ZBTB40: variants seen among roughly 807,000 people sequenced by gnomAD.
ZBTB40 encodes zinc finger and BTB domain-containing protein 40.
A neutral mutation model predicts 117.5 loss-of-function variants in ZBTB40; 60 were observed. That is an observed-to-expected ratio of 0.51 (90% CI 0.41 to 0.63). The LOEUF (loss-of-function observed/expected upper bound fraction) is 0.63, where lower values mean the gene tolerates loss of function less well. Among genes scored for constraint, ZBTB40 ranks in the 30% least tolerant of loss-of-function variants. ZBTB40 has a pLI of 0.00. For synonymous variants in ZBTB40, 525 were observed against 577.1 expected, an observed-to-expected ratio of 0.91 and a Z score of 1.29; for missense variants, 1,287 against 1,498.5, an observed-to-expected ratio of 0.86 and a Z score of 2.33.
In ZBTB40 at chr1:22,456,145, C is replaced by T. The variant is rs376190144; in HGVS notation, c.-70+4141C>T. ...AATGTGGAGAAAGCAAGCTACTAAC[C>T]ACATAGAGGAAAGAATTAAATATTA... On this transcript the variant is annotated intron_variant, in intron 1 of 17. Coordinates refer to ENST00000375647, the MANE Select transcript of ZBTB40 (RefSeq NM_014870.4). Among the ~76,000 whole-genome samples, 8 of 152,134 alleles carry T rather than the reference C, an allele frequency of 5.3e-5. No homozygotes were observed. The East Asian group carries it at 1.2e-3, about 22-fold the overall frequency.
chr1:22,495,486 G>C (rs72651310), intron 3 of ZBTB40, among the ~76,000 whole-genome samples: 2,396 of 152,014 alleles, frequency 0.016, 31 homozygotes, highest in Non-Finnish European at 0.023. Context: ...TTCAGTTTTT[G>C]TGCTAGGTTT....
intron 15 of ZBTB40, among the ~76,000 whole-genome samples, chr1:22,522,172 C>T (rs1639544001): frequency 6.6e-6 from 1 of 152,268 alleles, no homozygotes; most frequent in East Asian, 1.9e-4. Context: ...CAACATCCCT[C>T]TGAGCATCCA....
At chr1:22,435,044 C>G (rs539435669) in intron 1 of ZBTB40, among the ~76,000 whole-genome samples, 6 of 149,640 alleles carry the variant, frequency 4.0e-5, no homozygotes, top group Non-Finnish European at 5.9e-5. Flanking sequence ...TAGACAGCAT[C>G]TCACTCTGTA....
intron 1 of ZBTB40, among the ~76,000 whole-genome samples, chr1:22,476,046 C>A (rs1641542183): frequency 6.6e-6 from 1 of 152,102 alleles, no homozygotes; most frequent in African/African-American, 2.4e-5. Flanking sequence ...CCAGCAATTG[C>A]GGATTACAGA....
intron 1 of ZBTB40, among the ~76,000 whole-genome samples, chr1:22,455,270 C>A (rs1034282745): frequency 1.3e-5 from 2 of 152,128 alleles, no homozygotes; most frequent in Non-Finnish European, 2.9e-5. Context: ...CAAAAGTTTT[C>A]AAAATAATGT....
At position 22,511,873 on chromosome 1, in the gene ZBTB40, A is replaced by G. The variant is rs771114767; in HGVS notation, c.2200A>G (p.Lys734Glu). 1 of 1,614,192 alleles carries G rather than the reference A, an allele frequency of 6.2e-7. No homozygotes were observed. Among genetic ancestry groups the G allele is most frequent in the East Asian group, 2.2e-5 (1 of 44,878 alleles). Residue 734 changes from lysine (K) to glutamate (E), a missense_variant, in exon 11 of 18, where the codon AAG becomes GAG. Coordinates refer to ENST00000375647, the MANE Select transcript of ZBTB40 (RefSeq NM_014870.4). ...TTCAGCCTCCCCAGACCCTGCCAAG[A>G]AGAGCTTCATCTGTAAGGCCTGCGA... ...EASASPDPAK[K>E]SFICKACDKS...
intron 1 of ZBTB40, among the ~76,000 whole-genome samples, chr1:22,433,625 G>A (rs1056138712): frequency 1.4e-5 from 2 of 146,462 alleles, no homozygotes; most frequent in Non-Finnish European, 1.5e-5. Flanking sequence ...TTTGATATAC[G>A]GGGGTGGAGG....
chr1:22,489,379 T>C (rs1440634243), intron 1 of ZBTB40, among the ~76,000 whole-genome samples: 1 of 152,148 alleles, frequency 6.6e-6, no homozygotes, highest in Non-Finnish European at 1.5e-5. Context: ...GAAAAATGTA[T>C]TTTCAGAGGA....
intron 2 of ZBTB40, 128 bp downstream of exon 2, chr1:22,490,773 T>C: frequency 9.9e-6 from 10 of 1,006,460 alleles, no homozygotes; most frequent in Non-Finnish European, 1.5e-5. Flanking sequence ...AGTACCGTAC[T>C]GGGCCATTCT....
intron 1 of ZBTB40, among the ~76,000 whole-genome samples, chr1:22,433,049 G>T (rs2124359780): frequency 6.6e-6 from 1 of 152,254 alleles, no homozygotes; most frequent in South Asian, 2.1e-4. Context: ...TCAGCCTTCT[G>T]TATCCTTGGG....
At chr1:22,522,546 C>A in intron 16 of ZBTB40, 83 bp downstream of exon 16, 2 of 1,345,798 alleles carry the variant, frequency 1.5e-6, no homozygotes, top group Non-Finnish European at 2.1e-6. Context: ...GCAACCTAGG[C>A]TAAATCGCTT....
chr1:22,505,720 A>ACC (rs1207252129), intron 5 of ZBTB40, among the ~76,000 whole-genome samples: 1 of 152,230 alleles, frequency 6.6e-6, no homozygotes, highest in East Asian at 1.9e-4. Flanking sequence ...CATCTAAAGA[A>ACC]CCAGGTTAGA....
intron 2 of ZBTB40, among the ~76,000 whole-genome samples, chr1:22,491,185 G>A (rs1236425252): frequency 1.3e-5 from 2 of 152,162 alleles, no homozygotes; most frequent in African/African-American, 2.4e-5. Flanking sequence ...GTGAGCCACC[G>A]TGCCCTGCTG....
chr1:22,447,302 G>A (rs942354107), upstream of ZBTB40, among the ~76,000 whole-genome samples: 1 of 152,188 alleles, frequency 6.6e-6, no homozygotes, highest in Non-Finnish European at 1.5e-5. Context: ...AGTGGTTGCA[G>A]GGGGAGGGTA....
At chr1:22,500,055 A>G (rs1305287189) in intron 3 of ZBTB40, among the ~76,000 whole-genome samples, 3 of 152,232 alleles carry the variant, frequency 2.0e-5, no homozygotes, top group African/African-American at 7.2e-5. Context: ...TTTGTCAAGT[A>G]GAAACATAAA....
chr1:22,511,915 T>C lies in ZBTB40; in HGVS notation c.2242T>C (p.Tyr748His), dbSNP rs1320266415. 1 of 1,614,096 alleles carries C rather than the reference T, an allele frequency of 6.2e-7. No homozygotes were observed. The highest frequency in any genetic ancestry group is 2.2e-5 in the East Asian group (1 of 44,894). ...CKACDKSFHFYCRLKVHMKRC... is the reference protein window; with the variant it reads ...CKACDKSFHFHCRLKVHMKRC... The stretch of plus-strand genomic sequence containing the variant: ...GGCCTGCGACAAAAGCTTCCATTTC[T>C]ACTGCCGCCTAAAGGTGCACATGAA... Residue 748 changes from tyrosine (Y) to histidine (H), a missense_variant, in exon 11 of 18, where the codon TAC (tyrosine) becomes CAC (histidine). By Grantham distance (83) the Tyr-to-His change is moderately conservative. Around this residue, in one of 2 missense-constraint regions of ZBTB40, gnomAD observed 870 missense variants for 934.4 expected, o/e 0.93. Transcript: ENST00000375647.
At chr1:22,429,667 C>A (rs1640551478) in intron 1 of ZBTB40, among the ~76,000 whole-genome samples, 1 of 152,144 alleles carries the variant, frequency 6.6e-6, no homozygotes, top group Admixed American at 6.5e-5. Context: ...TTTCCATATT[C>A]ATGGGAAATC....
chr1:22,504,087 C>T (rs1639017959), intron 5 of ZBTB40, among the ~76,000 whole-genome samples: 1 of 152,178 alleles, frequency 6.6e-6, no homozygotes, highest in Admixed American at 6.5e-5. Flanking sequence ...ATTGGGGTTC[C>T]ACCAGAGCTT....
Position 22,511,712 on chromosome 1 carries a change from G to A in ZBTB40, c.2039G>A (p.Trp680Ter), listed in dbSNP as rs928778757. 1.2e-6 allele frequency: 2 copies of A among 1,608,970 alleles called. No homozygotes were observed. Among genetic ancestry groups the A allele is most frequent in the African/African-American group, 2.7e-5 (2 of 74,428 alleles). ...LTKEDGEKET[W>*]KVSNKFHLEA... is the part of the protein sequence containing the mutation. ...AAGGAAGATGGAGAGAAGGAAACGTGGAAGGTGAGTAATAAATTTCACCTT... is the reference window on the plus strand; with the variant it reads ...AAGGAAGATGGAGAGAAGGAAACGTAGAAGGTGAGTAATAAATTTCACCTT... Residue 680 changes from tryptophan to a stop codon, truncating the protein, a stop_gained, in exon 11 of 18, where the codon TGG (tryptophan) becomes TAG (stop). Transcript: ENST00000375647. LOFTEE classifies it high-confidence loss of function.
Sources: gnomAD v4.1 joint callset for allele counts (sites outside exome capture counted in the v4.1 genomes callset) on GRCh38, gnomAD v4.1.1 for gene constraint, gnomAD v4.1.1 regional missense constraint, MANE v1.5 for transcripts, NCBI Gene and HGNC (gene_info 2026-07-23, HGNC 2026-07-21) for gene names.